The following GRIK2 variants were observed in gnomAD, a reference collection of about 807,000 sequenced individuals.
GRIK2 encodes glutamate receptor ionotropic, kainate 2.
A neutral mutation model predicts 100.3 loss-of-function variants in GRIK2; 32 were observed. The observed-to-expected ratio is 0.32, with a 90% CI of 0.24 to 0.43. The LOEUF (loss-of-function observed/expected upper bound fraction) is 0.43, where lower values mean the gene tolerates loss of function less well. GRIK2 is among the 20% of genes least tolerant of loss of function. The pLI is 1.00. For missense variants in GRIK2, 843 were observed against 1,114.9 expected (o/e 0.76, Z 3.47); for synonymous variants, 417 against 389.4 (o/e 1.07, Z -0.83).
intron 14 of GRIK2, among the ~76,000 whole-genome samples, chr6:101,963,244 A>G (rs1328701539): frequency 7.6e-6 from 1 of 131,460 alleles, no homozygotes; most frequent in Non-Finnish European, 1.6e-5. Context: ...ATCTTAATTT[A>G]TAAGAATCTA....
chr6:101,478,352 G>A (rs1772354422), intron 2 of GRIK2, among the ~76,000 whole-genome samples: 1 of 151,654 alleles, frequency 6.6e-6, no homozygotes, highest in African/African-American at 2.4e-5. Flanking sequence ...ACTTTCCTTT[G>A]TTTTCTATGT....
At chr6:101,496,878 G>GT (rs1773473708) in intron 2 of GRIK2, among the ~76,000 whole-genome samples, 1 of 152,180 alleles carries the variant, frequency 6.6e-6, no homozygotes. Context: ...CTTTGGAATA[G>GT]TTTTTATCAT....
chr6:101,668,699 A>G lies in GRIK2; in HGVS notation c.542-7924A>G, dbSNP rs535017039. ...ACTGAAATGATAAATAGGCCTGATG[A>G]TTAAGCCAGGTGGCAAATCACTAGT... On this transcript the variant is annotated intron_variant, in intron 4 of 16. Coordinates refer to ENST00000369134, the MANE Select transcript of GRIK2 (RefSeq NM_021956.5). Among the ~76,000 whole-genome samples, 26 of 152,302 alleles carry G rather than the reference A, an allele frequency of 1.7e-4. No individual in the cohort carries two copies. The East Asian group carries it at 5.0e-3, about 29-fold the overall frequency.
chr6:101,962,003 C>T (rs1026692628), intron 14 of GRIK2, among the ~76,000 whole-genome samples: 1 of 152,062 alleles, frequency 6.6e-6, no homozygotes, highest in Non-Finnish European at 1.5e-5. Flanking sequence ...GCTTTGCCCT[C>T]AAGAAATTTG....
At chr6:102,052,909 T>A (rs1056115148) in intron 15 of GRIK2, among the ~76,000 whole-genome samples, 1 of 151,948 alleles carries the variant, frequency 6.6e-6, no homozygotes, top group African/African-American at 2.4e-5. Flanking sequence ...TGAAACCCCC[T>A]CTGTACTAAA....
chr6:101,518,909 T>A (rs550019362), intron 2 of GRIK2, among the ~76,000 whole-genome samples: 7 of 152,274 alleles, frequency 4.6e-5, no homozygotes, highest in African/African-American at 1.4e-4. Context: ...TAAGACTAAA[T>A]GCTGATTTTT....
At chr6:101,831,091 G>A (rs917163640) in intron 10 of GRIK2, among the ~76,000 whole-genome samples, 1 of 152,026 alleles carries the variant, frequency 6.6e-6, no homozygotes, top group African/African-American at 2.4e-5. Context: ...TAACAAACCT[G>A]CACATGTAAC....
At chr6:102,058,340 A>G (rs1771568576) in intron 16 of GRIK2, among the ~76,000 whole-genome samples, 1 of 151,732 alleles carries the variant, frequency 6.6e-6, no homozygotes, top group Non-Finnish European at 1.5e-5. Flanking sequence ...CTATCTACCT[A>G]TCTATCTATT....
intron 5 of GRIK2, among the ~76,000 whole-genome samples, chr6:101,682,238 A>T (rs888935227): frequency 2.0e-5 from 3 of 152,192 alleles, no homozygotes; most frequent in African/African-American, 7.2e-5. Context: ...GACGTTACGA[A>T]TGTAACAAAT....
chr6:101,696,240 T>C (rs578056149), intron 7 of GRIK2, among the ~76,000 whole-genome samples: 1 of 151,914 alleles, frequency 6.6e-6, no homozygotes, highest in Non-Finnish European at 1.5e-5. Flanking sequence ...AGGAATTTTA[T>C]TTAAAAATAG....
chr6:101,723,534 CATGGCTGTAAGA>C (rs1774638903), intron 7 of GRIK2, among the ~76,000 whole-genome samples: 1 of 152,010 alleles, frequency 6.6e-6, no homozygotes, highest in South Asian at 2.1e-4. Context: ...TGCCTTCCTC[CATGGCTGTAAGA>C]TACATTTTGC....
chr6:101,777,251 C>A (rs965359474), intron 7 of GRIK2, among the ~76,000 whole-genome samples: 1 of 152,072 alleles, frequency 6.6e-6, no homozygotes, highest in Non-Finnish European at 1.5e-5. Flanking sequence ...TAGCAGCCAC[C>A]GCACACCTGC....
intron 2 of GRIK2, among the ~76,000 whole-genome samples, chr6:101,601,981 C>A (rs1442237134): frequency 1.3e-5 from 2 of 151,532 alleles, no homozygotes; most frequent in Admixed American, 6.6e-5. Context: ...TAGGCTAGTT[C>A]TTGTTTTTCT....
chr6:101,870,769 G>A (rs1291224165), intron 11 of GRIK2, among the ~76,000 whole-genome samples: 1 of 151,706 alleles, frequency 6.6e-6, no homozygotes, highest in Non-Finnish European at 1.5e-5. Context: ...TTGAAGTAGA[G>A]CACTATGTCA....
At chr6:101,972,048 GATGA>G (rs1341964787) in intron 14 of GRIK2, among the ~76,000 whole-genome samples, 1 of 151,918 alleles carries the variant, frequency 6.6e-6, no homozygotes, top group Admixed American at 6.6e-5. Context: ...ACAGCACTGT[GATGA>G]ATGTATGAAT....
chr6:102,005,399 T>A (rs186060141), intron 14 of GRIK2, among the ~76,000 whole-genome samples: 6 of 152,166 alleles, frequency 3.9e-5, no homozygotes, highest in Non-Finnish European at 5.9e-5. Context: ...TTATTGATAT[T>A]ATACAATTTA....
At chr6:101,965,402 T>C (rs1312679289) in intron 14 of GRIK2, among the ~76,000 whole-genome samples, 1 of 152,180 alleles carries the variant, frequency 6.6e-6, no homozygotes, top group East Asian at 1.9e-4. Context: ...TCCAAATCTG[T>C]CACTCTCATC....
At chr6:101,772,526 A>G (rs1778469906) in intron 7 of GRIK2, among the ~76,000 whole-genome samples, 1 of 152,074 alleles carries the variant, frequency 6.6e-6, no homozygotes, top group Admixed American at 6.5e-5. Flanking sequence ...ATGAAGTAAG[A>G]ATAAACTTAA....
chr6:101,399,174 C>T lies in GRIK2; in HGVS notation c.-104C>T. On this transcript the variant is annotated 5_prime_UTR_variant, in exon 2 of 17. Coordinates refer to ENST00000369134, the MANE Select transcript of GRIK2 (RefSeq NM_021956.5). ...CCTCTCTCTATGACCATGCCGTGAT[C>T]GTGTCTGCGGTCACCACTCGACGCA... 1.4e-6 allele frequency: 1 copy of T among 721,118 alleles called. No individual in the cohort carries two copies. Among genetic ancestry groups the T allele is most frequent in the Non-Finnish European group, 2.6e-6 (1 of 388,736 alleles). 44.7% of individuals were successfully genotyped at this position (721,118 alleles called of 1,614,324 possible). A position where few individuals can be genotyped will look rare whatever the true frequency, so the allele number is the denominator to read the frequency against.
Sources: gnomAD v4.1 joint callset for allele counts (sites outside exome capture counted in the v4.1 genomes callset) on GRCh38, gnomAD v4.1.1 for gene constraint, MANE v1.5 for transcripts, NCBI Gene and HGNC (gene_info 2026-07-23, HGNC 2026-07-21) for gene names.